The following SP140 variants were observed in gnomAD, a reference collection of about 807,000 sequenced individuals.
SP140 encodes SP140 nuclear body protein, also known as nuclear body protein SP140.
SP140 carries 81 observed loss-of-function variants against 125.0 expected under a neutral mutation model. That is an observed-to-expected ratio of 0.65 (90% CI 0.54 to 0.78). The LOEUF is 0.78. Ranked by LOEUF, SP140 falls within the 30% of genes least tolerant of loss-of-function variation. The probability of loss-of-function intolerance (pLI) is 0.00; values close to 1 mark genes in which losing one functional copy is unlikely to be tolerated. For missense variants in SP140, 858 were observed against 1,037.0 expected, an observed-to-expected ratio of 0.83 and a Z score of 2.37; for synonymous variants, 312 against 354.0, an observed-to-expected ratio of 0.88 and a Z score of 1.33.
upstream of SP140, chr2:230,202,532 C>T (rs1238457423): frequency 1.3e-6 from 2 of 1,597,628 alleles, no homozygotes; most frequent in East Asian, 2.2e-5. Flanking sequence ...AGGAGAGACC[C>T]TCCCACACTG....
chr2:230,272,530 C>A (rs1355135106), intron 15 of SP140, among the ~76,000 whole-genome samples: 1 of 152,144 alleles, frequency 6.6e-6, no homozygotes, highest in African/African-American at 2.4e-5. Flanking sequence ...CCTGCACAAG[C>A]TCTCTCTCTT....
chr2:230,251,081 C>G lies in SP140; in HGVS notation c.1057+20C>G, dbSNP rs1345591891. On this transcript the variant is annotated intron_variant, in intron 10 of 26. Transcript: ENST00000392045. ...GGTCAGGTAAAGAAGGGGAGGATTT[C>G]TGGCCCTGGGCTGCAGAGTGTCAGG... 1.2e-6 allele frequency: 2 copies of G among 1,604,948 alleles called. No individual in the cohort carries two copies. The highest frequency in any genetic ancestry group is 2.2e-5 in the East Asian group (1 of 44,854).
At chr2:230,241,538 C>A (rs772935186) in intron 4 of SP140, 51 bp downstream of exon 4, 2 of 1,095,168 alleles carry the variant, frequency 1.8e-6, no homozygotes, top group Non-Finnish European at 2.8e-6. Context: ...TGCTTCCTTG[C>A]CTTCATGGAG....
intron 17 of SP140, among the ~76,000 whole-genome samples, chr2:230,286,610 G>A (rs1377650071): frequency 1.3e-5 from 2 of 152,188 alleles, no homozygotes; most frequent in Non-Finnish European, 2.9e-5. Flanking sequence ...GAGGGGTCAG[G>A]CATCACAGCT....
chr2:230,187,236 C>T, the SP140 span, among the ~76,000 whole-genome samples: 1 of 152,116 alleles, frequency 6.6e-6, no homozygotes, highest in African/African-American at 2.4e-5. Context: ...TTTTAATCTT[C>T]ATTTCCCTGA....
chr2:230,246,051 A>G (rs894742017), intron 7 of SP140, 111 bp downstream of exon 7: 1 of 658,532 alleles, frequency 1.5e-6, no homozygotes, highest in Admixed American at 2.2e-5. Flanking sequence ...CCATATATCC[A>G]TCCATCCATC....
In SP140 at chr2:230,211,946, C is replaced by A. The variant is rs1474717988; in HGVS notation, c.-322-1708C>A. 1.3e-5 allele frequency among the ~76,000 whole-genome samples: 2 copies of A among 152,104 alleles called. No homozygotes were observed. Among genetic ancestry groups the A allele is most frequent in the Non-Finnish European group, 2.9e-5 (2 of 68,018 alleles). On this transcript the variant is annotated intron_variant, in intron 1 of 4. Transcript: ENST00000456542. This position sits in a 1 kb window ranked among gnomAD's most constrained non-coding sequence, Gnocchi z 4.2. The stretch of plus-strand genomic sequence containing the variant: ...CATTATGATGATGGTTTGGGGAGGA[C>A]AAGTGATACAATTTGAGAAGCTAAA...
At chr2:230,236,129 C>T (rs1025776946) in intron 1 of SP140, among the ~76,000 whole-genome samples, 7 of 152,184 alleles carry the variant, frequency 4.6e-5, no homozygotes, top group African/African-American at 1.4e-4. Context: ...CCTGTCTCGG[C>T]CTCCCAAAGT....
intron 8 of SP140, 107 bp downstream of exon 8, chr2:230,248,172 T>C (rs1226264858): frequency 4.8e-6 from 5 of 1,034,938 alleles, no homozygotes; most frequent in Non-Finnish European, 7.2e-6. Context: ...ATCAGATTAC[T>C]GGATTGCACA....
intron 16 of SP140, 87 bp from the exon 17 acceptor site, chr2:230,285,665 C>G: frequency 1.4e-5 from 16 of 1,121,524 alleles, no homozygotes; most frequent in Non-Finnish European, 2.2e-5. Flanking sequence ...GAATGAGACC[C>G]AGGACTCCCT....
At chr2:230,290,663 G>C in intron 19 of SP140, 99 bp downstream of exon 19, 1 of 1,082,484 alleles carries the variant, frequency 9.2e-7, no homozygotes. Context: ...AAGGAGTTTG[G>C]TCCCAGTTTG....
intron 7 of SP140, 147 bp from the exon 8 acceptor site, chr2:230,247,769 C>A: frequency 2.9e-6 from 2 of 691,334 alleles, no homozygotes; most frequent in Non-Finnish European, 4.8e-6. Flanking sequence ...TTTCTGATGA[C>A]TCTTTCTCAT....
chr2:230,294,867 A>T (rs1489927551), intron 21 of SP140, among the ~76,000 whole-genome samples: 1 of 152,246 alleles, frequency 6.6e-6, no homozygotes, highest in Non-Finnish European at 1.5e-5. Context: ...CCTTCCAAAA[A>T]AATGTACACA....
At chr2:230,256,223 C>T (rs1029796458) in intron 12 of SP140, among the ~76,000 whole-genome samples, 1 of 151,916 alleles carries the variant, frequency 6.6e-6, no homozygotes, top group Non-Finnish European at 1.5e-5. Flanking sequence ...CACATGCACA[C>T]GTATGTTTAT....
intron 4 of SP140, among the ~76,000 whole-genome samples, chr2:230,242,305 G>A (rs1398440672): frequency 1.3e-5 from 2 of 152,166 alleles, no homozygotes; most frequent in Non-Finnish European, 2.9e-5. Flanking sequence ...AAGGGAGAGA[G>A]AAACAGACTG....
At chr2:230,311,009 A>G in intron 24 of SP140, 145 bp from the exon 25 acceptor site, 4 of 927,258 alleles carry the variant, frequency 4.3e-6, no homozygotes, top group Non-Finnish European at 6.4e-6. Flanking sequence ...CACAAAAAAT[A>G]ACTCAGCCAT....
At chr2:230,254,371 C>T (rs1333288379) in intron 11 of SP140, among the ~76,000 whole-genome samples, 1 of 152,174 alleles carries the variant, frequency 6.6e-6, no homozygotes, top group Non-Finnish European at 1.5e-5. Context: ...GAAGCATACT[C>T]AGAGGGTAAG....
At chr2:230,308,213 T>C (rs1027313738) in intron 22 of SP140, among the ~76,000 whole-genome samples, 1 of 151,758 alleles carries the variant, frequency 6.6e-6, no homozygotes, top group African/African-American at 2.4e-5. Flanking sequence ...ATAAGAATGA[T>C]ACAATGGGCC....
intron 15 of SP140, among the ~76,000 whole-genome samples, chr2:230,272,572 G>T (rs529113194): frequency 6.6e-6 from 1 of 152,210 alleles, no homozygotes; most frequent in African/African-American, 2.4e-5. Flanking sequence ...GACGTGACTT[G>T]CTCCTCCTTG....
Sources: allele counts gnomAD v4.1 joint callset (sites outside exome capture counted in the v4.1 genomes callset), GRCh38; gene constraint gnomAD v4.1.1; non-coding constraint Gnocchi (gnomAD v3.1); transcripts MANE v1.5; gene names NCBI Gene and HGNC (gene_info 2026-07-23, HGNC 2026-07-21).